The following DAB2IP variants were observed in gnomAD, a reference collection of about 807,000 sequenced individuals.
DAB2IP encodes the protein DAB2 interacting protein.
A neutral mutation model predicts 107.2 loss-of-function variants in DAB2IP; 28 were observed. The observed-to-expected ratio is 0.26, with a 90% CI of 0.19 to 0.36. DAB2IP has a LOEUF of 0.36. Ranked by LOEUF, DAB2IP falls within the 10% of genes least tolerant of loss-of-function variation. DAB2IP has a pLI of 1.00. For missense variants in DAB2IP, 1,400 were observed against 1,644.7 expected (o/e 0.85, Z 2.57); for synonymous variants, 755 against 706.4 (o/e 1.07, Z -1.09).
At chr9:121,757,117 T>A in exon 4 of DAB2IP, 2 of 1,614,120 alleles carry the variant, frequency 1.2e-6, no homozygotes, top group East Asian at 2.2e-5. Context: ...GAAGAGGTGG[T>A]CATCAAGCCC....
At chr9:121,725,086 G>A (rs1205453866) in intron 3 of DAB2IP, among the ~76,000 whole-genome samples, 2 of 152,166 alleles carry the variant, frequency 1.3e-5, no homozygotes, top group African/African-American at 2.4e-5. Context: ...TTCCTGGCAC[G>A]ATTTCTGTTT....
chr9:121,651,677 C>T lies in DAB2IP; in HGVS notation c.-99C>T. ...GGGCCTCGGCGGCCGCTCGGGCGAG[C>T]GCGGGAGAACGCGTGGGCGCCCGCC... On this transcript the variant is annotated 5_prime_UTR_variant, in exon 1 of 16. Coordinates refer to ENST00000408936, the Ensembl canonical transcript of DAB2IP. This position sits in a 1 kb window ranked among gnomAD's most constrained non-coding sequence, Gnocchi z 5.1. 9.0e-7 allele frequency: 1 copy of T among 1,108,118 alleles called. No homozygotes were observed. The highest frequency in any genetic ancestry group is 1.1e-6 in the Non-Finnish European group (1 of 910,080). The allele number at this position is 1,108,118 out of a possible 1,614,324, so 68.6% of individuals were successfully genotyped here. A position where few individuals can be genotyped will look rare whatever the true frequency, so the allele number is the denominator to read the frequency against.
At chr9:121,765,944 G>A (rs1177988174) in intron 8 of DAB2IP, among the ~76,000 whole-genome samples, 1 of 152,060 alleles carries the variant, frequency 6.6e-6, no homozygotes, top group East Asian at 1.9e-4. Flanking sequence ...CCATCTTCTT[G>A]ATCTTTCTGA....
At chr9:121,718,537 T>G (rs950310475) in intron 3 of DAB2IP, among the ~76,000 whole-genome samples, 1 of 152,170 alleles carries the variant, frequency 6.6e-6, no homozygotes, top group Non-Finnish European at 1.5e-5. Context: ...CACCAGGCCC[T>G]GGTCTCCTCT....
chr9:121,578,345 G>T (rs1191909653), intron 1 of DAB2IP, among the ~76,000 whole-genome samples: 1 of 151,062 alleles, frequency 6.6e-6, no homozygotes, highest in Non-Finnish European at 1.5e-5. Flanking sequence ...CTCCTGCTGG[G>T]CTCCCCCTGC....
intron 5 of DAB2IP, 42 bp downstream of exon 5, chr9:121,759,038 G>T (rs778501675): frequency 1.9e-5 from 30 of 1,571,090 alleles, no homozygotes; most frequent in Non-Finnish European, 2.6e-5. Flanking sequence ...GGGATTGAAG[G>T]TAGGCTCAGA....
At chr9:121,567,074 A>G (rs1829818965) in exon 1 of DAB2IP, 1 of 1,332,126 alleles carries the variant, frequency 7.5e-7, no homozygotes, top group Non-Finnish European at 1.1e-6. Context: ...AGGAATACCC[A>G]GTCATCTAGT....
At chr9:121,641,808 T>C (rs1000267331) in intron 1 of DAB2IP, among the ~76,000 whole-genome samples, 70 of 152,078 alleles carry the variant, frequency 4.6e-4, no homozygotes, top group Non-Finnish European at 8.5e-4. Flanking sequence ...ACCTTCCTTC[T>C]TTCCTTCTTC....
intron 1 of DAB2IP, among the ~76,000 whole-genome samples, chr9:121,617,976 C>T (rs1233703638): frequency 6.6e-6 from 1 of 152,144 alleles, no homozygotes; most frequent in Non-Finnish European, 1.5e-5. Flanking sequence ...ACTGAGAAGC[C>T]CCTAAAGGAC....
At position 121,782,459 on chromosome 9, in the gene DAB2IP, T is replaced by C. The variant is rs1258516961; in HGVS notation, c.3531T>C (p.Ile1177=). ...CCACCAACCCCACCAAATTGCAGAT[T>C]ACTGAGAACGGCGAGTTCAGAAACA... The change falls in exon 16 of 16, where the codon ATT becomes ATC. Residue 1177 remains isoleucine, a synonymous_variant. Transcript: ENST00000408936. The surrounding 1 kb of genome is among the most constrained non-coding windows in gnomAD (Gnocchi z 6.1). 2.5e-6 allele frequency: 4 copies of C among 1,613,932 alleles called. No homozygotes were observed. In the African/African-American group the frequency reaches 4.0e-5, roughly 16 times the overall value.
intron 1 of DAB2IP, among the ~76,000 whole-genome samples, chr9:121,616,188 A>G (rs1831269622): frequency 6.6e-6 from 1 of 152,196 alleles, no homozygotes; most frequent in Non-Finnish European, 1.5e-5. Flanking sequence ...TGCCTCCTGC[A>G]GGATGCAGGC....
chr9:121,764,352 G>A (rs1049405646), intron 8 of DAB2IP, among the ~76,000 whole-genome samples: 2 of 152,240 alleles, frequency 1.3e-5, no homozygotes, highest in African/African-American at 4.8e-5. Flanking sequence ...GAAAGGACTA[G>A]ACTTTGAAGT....
intron 1 of DAB2IP, among the ~76,000 whole-genome samples, chr9:121,676,582 G>A (rs906829777): frequency 6.6e-6 from 1 of 151,966 alleles, no homozygotes; most frequent in Admixed American, 6.6e-5. Flanking sequence ...GCAGGGTGCT[G>A]GGGAGGTGGA....
intron 1 of DAB2IP, among the ~76,000 whole-genome samples, chr9:121,617,568 A>G (rs1208282451): frequency 1.3e-5 from 2 of 152,196 alleles, no homozygotes; most frequent in African/African-American, 4.8e-5. Flanking sequence ...CCTGTGGGGC[A>G]CTGGTTTGGG....
At chr9:121,700,270 G>A (rs372591289) in intron 3 of DAB2IP, among the ~76,000 whole-genome samples, 99 of 152,324 alleles carry the variant, frequency 6.5e-4, no homozygotes, top group African/African-American at 2.0e-3. Flanking sequence ...GGAGACGCTG[G>A]CCAGGGAGCA....
At chr9:121,768,991 C>T (rs1165268439) in intron 10 of DAB2IP, among the ~76,000 whole-genome samples, 3 of 152,196 alleles carry the variant, frequency 2.0e-5, no homozygotes, top group Non-Finnish European at 4.4e-5. Flanking sequence ...TGTACCTCCA[C>T]TTGTCCAGCA....
At position 121,729,704 on chromosome 9, in the gene DAB2IP, C is replaced by G. The variant is rs138773634; in HGVS notation, c.363-27309C>G. ...TGGATGGCTGGTGGCCAGATGTAGC[C>G]CACAAACAGGTCTCATTTGGCCCGA... On this transcript the variant is annotated intron_variant, in intron 3 of 15. Coordinates refer to ENST00000408936, the Ensembl canonical transcript of DAB2IP. Among the ~76,000 whole-genome samples the G allele has an allele frequency of 2.9e-3, 442 of 152,248 alleles. 2 individuals carry two copies. Among genetic ancestry groups the G allele is most frequent in the Admixed American group, 5.3e-3 (81 of 15,308 alleles).
chr9:121,737,302 T>C, intron 3 of DAB2IP: 1 of 985,476 alleles, frequency 1.0e-6, no homozygotes, highest in Non-Finnish European at 1.2e-6. Context: ...TGTGGTTACC[T>C]GCATGGAAGA....
chr9:121,572,510 G>A (rs752667823), intron 1 of DAB2IP, among the ~76,000 whole-genome samples: 1 of 152,174 alleles, frequency 6.6e-6, no homozygotes, highest in Non-Finnish European at 1.5e-5. Flanking sequence ...CATCCTCCCC[G>A]ACTCTGGACT....
Sources: gnomAD v4.1 joint callset for allele counts (sites outside exome capture counted in the v4.1 genomes callset) on GRCh38, gnomAD v4.1.1 for gene constraint, Gnocchi (gnomAD v3.1) non-coding constraint, MANE v1.5 for transcripts, NCBI Gene and HGNC (gene_info 2026-07-23, HGNC 2026-07-21) for gene names.